KIAA1549L: variants seen among roughly 807,000 people sequenced by gnomAD.
KIAA1549L encodes the protein KIAA1549 like.
In KIAA1549L, 88 loss-of-function variants were observed where a neutral mutation model predicts 160.7. The observed-to-expected ratio is 0.55, with a 90% confidence interval of 0.46 to 0.65. KIAA1549L has a LOEUF of 0.65. Ranked by LOEUF, KIAA1549L falls within the 30% of genes least tolerant of loss-of-function variation. The pLI is 0.00. For missense variants in KIAA1549L, 2,258 were observed against 2,437.5 expected, an observed-to-expected ratio of 0.93 and a Z score of 1.55; for synonymous variants, 950 against 976.7, an observed-to-expected ratio of 0.97 and a Z score of 0.51.
chr11:33,609,896 C>T lies in KIAA1549L; in HGVS notation c.5209C>T (p.Pro1737Ser), dbSNP rs1411669320. The change falls in exon 15 of 21, where the codon CCG (proline) becomes TCG (serine). Residue 1737 changes from proline to serine, a missense_variant. Physicochemically the swap from Pro to Ser is moderately conservative, Grantham distance 74. Transcript: ENST00000658780. ...TERKKMYEKA[P>S]KEMEHVLDPD... ...AAGAAAGAAGATGTATGAAAAAGCC[C>T]CGAAGGAAATGGAGCATGTTTTGGA... The T allele has an allele frequency of 2.5e-6, 4 of 1,613,810 alleles. No individual in the cohort carries two copies. Among genetic ancestry groups the T allele is most frequent in the Non-Finnish European group, 3.4e-6 (4 of 1,179,868 alleles).
At position 33,559,870 on chromosome 11, in the gene KIAA1549L, T is replaced by C. The variant is rs569636292; in HGVS notation, c.3977T>C (p.Val1326Ala). Residue 1326 changes from valine (V) to alanine (A), a missense_variant, in exon 7 of 21, where the codon GTG (valine) becomes GCG (alanine). Physicochemically the swap from Val to Ala is moderately conservative, Grantham distance 64. Around this residue, in one of 6 missense-constraint regions of KIAA1549L, gnomAD observed 1,359 missense variants for 1,546.6 expected, o/e 0.88. Coordinates refer to ENST00000658780, the MANE Select transcript of KIAA1549L (RefSeq NM_012194.3). ...CTCAGCCAGCTCTCGGCTGAGCTGG[T>C]GGGATTCTACCTCACCTATCCGCCG... ...SLLSQLSAEL[V>A]GFYLTYPPLT... The C allele has an allele frequency of 6.2e-7, 1 of 1,613,980 alleles. No individual in the cohort carries two copies. Among genetic ancestry groups the C allele is most frequent in the African/African-American group, 1.3e-5 (1 of 75,044 alleles).
At chr11:33,614,531 G>GATAT (rs780446812) in intron 15 of KIAA1549L, among the ~76,000 whole-genome samples, 10 of 27,104 alleles carry the variant, frequency 3.7e-4, no homozygotes, top group Non-Finnish European at 5.9e-4. Context: ...AGTGTAACAA[G>GATAT]ATATATATAT....
At chr11:33,462,798 C>T (rs778102897) in intron 1 of KIAA1549L, among the ~76,000 whole-genome samples, 3 of 151,702 alleles carry the variant, frequency 2.0e-5, no homozygotes, top group Admixed American at 6.6e-5. Flanking sequence ...TTAACATCTC[C>T]GAAATCAAAG....
At position 33,591,480 on chromosome 11, in the gene KIAA1549L, A is replaced by C. The variant is rs1850052199; in HGVS notation, c.4751+59A>C. ...CAGCAAGAGAATAATTGATGATGAGAAAAGCTGATGCCCTCAAGTTAATTC... is the reference window on the plus strand; with the variant it reads ...CAGCAAGAGAATAATTGATGATGAGCAAAGCTGATGCCCTCAAGTTAATTC... On this transcript the variant is annotated intron_variant, in intron 12 of 20. Coordinates refer to ENST00000658780, the MANE Select transcript of KIAA1549L (RefSeq NM_012194.3). 8.2e-6 allele frequency: 11 copies of C among 1,335,810 alleles called. No homozygotes were observed. In the South Asian group the frequency reaches 1.5e-4, roughly 18 times the overall value. 82.7% of individuals were successfully genotyped at this position (1,335,810 alleles called of 1,614,324 possible). A position where few individuals can be genotyped will look rare whatever the true frequency, so the allele number is the denominator to read the frequency against.
At chr11:33,570,699 T>C (rs1855224429) in intron 9 of KIAA1549L, among the ~76,000 whole-genome samples, 1 of 152,216 alleles carries the variant, frequency 6.6e-6, no homozygotes, top group Non-Finnish European at 1.5e-5. Flanking sequence ...GAGATTTAAC[T>C]GTCTAGAATC....
chr11:33,377,491 A>G (rs988452595), intron 1 of KIAA1549L, among the ~76,000 whole-genome samples: 13 of 152,186 alleles, frequency 8.5e-5, no homozygotes, highest in African/African-American at 3.1e-4. Context: ...AGCAATCCCC[A>G]GGAAATAGAT....
intron 1 of KIAA1549L, among the ~76,000 whole-genome samples, chr11:33,532,996 G>A (rs1162029206): frequency 6.6e-6 from 1 of 152,206 alleles, no homozygotes; most frequent in Non-Finnish European, 1.5e-5. Flanking sequence ...GCAATCCAGG[G>A]CAGCATTGAA....
At chr11:33,526,020 C>G (rs1853603267) in intron 1 of KIAA1549L, among the ~76,000 whole-genome samples, 1 of 152,126 alleles carries the variant, frequency 6.6e-6, no homozygotes, top group Non-Finnish European at 1.5e-5. Context: ...CTACCCCAGC[C>G]CCACCTGATG....
rs76968374 is a variant in KIAA1549L, at chr11:33,608,113, T to A, written c.5061+1291T>A. ...AGCATTGTGCTTAAAAGAGTATGGA[T>A]TCTCAAGCCATGCCTCAGGGGTTTG... On this transcript the variant is annotated intron_variant, in intron 14 of 20. Coordinates refer to ENST00000658780, the MANE Select transcript of KIAA1549L (RefSeq NM_012194.3). Among the ~76,000 whole-genome samples, 1,405 of 152,298 alleles carry A rather than the reference T, an allele frequency of 9.2e-3. 9 individuals carry two copies. Among genetic ancestry groups the A allele is most frequent in the Non-Finnish European group, 0.014 (975 of 68,012 alleles).
intron 13 of KIAA1549L, among the ~76,000 whole-genome samples, chr11:33,606,015 G>T (rs1270882534): frequency 6.6e-6 from 1 of 152,130 alleles, no homozygotes; most frequent in African/African-American, 2.4e-5. Context: ...CTTAATTAGG[G>T]GAGTTGTCTG....
Position 33,621,319 on chromosome 11 carries a change from G to A in KIAA1549L, c.5409+2657G>A, listed in dbSNP as rs549947686. 4.6e-5 allele frequency among the ~76,000 whole-genome samples: 7 copies of A among 152,232 alleles called. No homozygotes were observed. In the South Asian group the frequency reaches 6.2e-4, roughly 14 times the overall value. ...GCTCCAAGGGGTTTGGGATCACTGC[G>A]TTTTACAGCAACAATCTTCAACCTT... On this transcript the variant is annotated intron_variant, in intron 16 of 20. Transcript: ENST00000658780.
rs542159474 is a variant in KIAA1549L at position 33,424,109 on chromosome 11, A to G, written c.238+47220A>G. On this transcript the variant is annotated intron_variant, in intron 1 of 20. Transcript: ENST00000658780. ...CAGTACAATCCTGAAGACAAAGCAC[A>G]ATCAAAGCAATGGCTAGCAAGAGGT... is the stretch of plus-strand genomic sequence containing the variant. Among the ~76,000 whole-genome samples the G allele has an allele frequency of 2.0e-5, 3 of 152,332 alleles. No homozygotes were observed. In the South Asian group the frequency reaches 6.2e-4, roughly 32 times the overall value.
At chr11:33,458,398 C>G (rs774373656) in intron 1 of KIAA1549L, among the ~76,000 whole-genome samples, 1 of 152,162 alleles carries the variant, frequency 6.6e-6, no homozygotes, top group African/African-American at 2.4e-5. Flanking sequence ...TAAATACATT[C>G]GTTTGGGTGA....
At chr11:33,607,577 A>G (rs181761920) in intron 14 of KIAA1549L, among the ~76,000 whole-genome samples, 42 of 152,332 alleles carry the variant, frequency 2.8e-4, no homozygotes, top group African/African-American at 9.9e-4. Flanking sequence ...GTGCCCAAGC[A>G]TGTACACACA....
chr11:33,466,266 A>C (rs922301279), intron 1 of KIAA1549L, among the ~76,000 whole-genome samples: 1 of 152,226 alleles, frequency 6.6e-6, no homozygotes, highest in African/African-American at 2.4e-5. Flanking sequence ...AACTTAAACG[A>C]GTTTACAAGA....
At chr11:33,516,846 G>A (rs1853355506) in intron 1 of KIAA1549L, among the ~76,000 whole-genome samples, 2 of 152,182 alleles carry the variant, frequency 1.3e-5, no homozygotes, top group South Asian at 4.1e-4. Flanking sequence ...TTGCAACTGT[G>A]TGGTGGCAGG....
intron 1 of KIAA1549L, among the ~76,000 whole-genome samples, chr11:33,475,793 G>T (rs757398622): frequency 5.3e-5 from 8 of 152,244 alleles, no homozygotes; most frequent in Non-Finnish European, 1.0e-4. Flanking sequence ...GGAGATCAAG[G>T]CTGCAGTGAA....
At chr11:33,409,059 A>G (rs1332502580) in intron 1 of KIAA1549L, among the ~76,000 whole-genome samples, 1 of 151,934 alleles carries the variant, frequency 6.6e-6, no homozygotes, top group Non-Finnish European at 1.5e-5. Context: ...CAATAGTCAG[A>G]GGTTAGAAAC....
At chr11:33,612,835 A>T (rs1000468250) in intron 15 of KIAA1549L, among the ~76,000 whole-genome samples, 4 of 152,208 alleles carry the variant, frequency 2.6e-5, no homozygotes, top group Admixed American at 1.3e-4. Flanking sequence ...GCACCCACTT[A>T]TAAGTGAGAA....
Sources: allele counts gnomAD v4.1 joint callset (sites outside exome capture counted in the v4.1 genomes callset), GRCh38; gene constraint gnomAD v4.1.1; regional missense constraint gnomAD v4.1.1; transcripts MANE v1.5; gene names NCBI Gene and HGNC (gene_info 2026-07-23, HGNC 2026-07-21).